Variants in EPM2A observed in about 807,000 individuals in gnomAD.
EPM2A encodes the protein EPM2A glucan phosphatase, laforin, also known as laforin.
Under a neutral mutation model 26.5 loss-of-function variants are expected in EPM2A, and 21 were observed. The ratio of observed to expected loss-of-function variants is 0.79; its 90% CI spans 0.56 to 1.14. EPM2A has a LOEUF of 1.14. Ranked by LOEUF, EPM2A falls within the 50% of genes most tolerant of loss-of-function variation. The pLI, the probability that EPM2A is intolerant of heterozygous loss-of-function variation, is 0.00. For missense variants in EPM2A, 458 were observed against 440.8 expected (o/e 1.04, Z -0.35); for synonymous variants, 217 against 177.6 (o/e 1.22, Z -1.76).
chr6:145,476,973 T>C (rs2114730115), intron 4 of EPM2A, among the ~76,000 whole-genome samples: 1 of 151,024 alleles, frequency 6.6e-6, no homozygotes, highest in East Asian at 2.0e-4. Flanking sequence ...AAAATTGAAA[T>C]GGAAAAAAAT....
chr6:145,448,465 G>C (rs1454143218), intron 4 of EPM2A, among the ~76,000 whole-genome samples: 2 of 152,098 alleles, frequency 1.3e-5, no homozygotes, highest in Non-Finnish European at 2.9e-5. Flanking sequence ...TTAAAGAAGA[G>C]AAAGGAAGGG....
chr6:145,558,006 A>G (rs1780753084), intron 2 of EPM2A, among the ~76,000 whole-genome samples: 1 of 152,102 alleles, frequency 6.6e-6, no homozygotes, highest in African/African-American at 2.4e-5. Context: ...TCCACATATA[A>G]GTGAGATCAT....
intron 2 of EPM2A, among the ~76,000 whole-genome samples, chr6:145,512,404 C>T (rs1434298392): frequency 2.6e-5 from 4 of 151,998 alleles, no homozygotes; most frequent in African/African-American, 7.2e-5. Flanking sequence ...AATAGACACA[C>T]AGATCAATGG....
rs190419362 is a variant in EPM2A at position 145,573,510 on chromosome 6, C to A, written c.340+61735G>T. ...CTTCAAGATCCATCTGTTTTCTGCA[C>A]AGGCCAAATGGGAGAGTTGAACAGG... On this transcript the variant is annotated intron_variant, in intron 2 of 3. Coordinates refer to the EPM2A transcript ENST00000450221. Among the ~76,000 whole-genome samples, 477 of 152,362 alleles carry A rather than the reference C, an allele frequency of 3.1e-3. 1 individual carries two copies. The highest frequency in any genetic ancestry group is 0.011 in the African/African-American group (458 of 41,584).
chr6:145,555,983 C>A (rs186667717), intron 2 of EPM2A, among the ~76,000 whole-genome samples: 260 of 152,246 alleles, frequency 1.7e-3, no homozygotes, highest in African/African-American at 5.9e-3. Flanking sequence ...CACACATTAA[C>A]CTTTTCTTTT....
intron 2 of EPM2A, among the ~76,000 whole-genome samples, chr6:145,546,436 T>C (rs931391549): frequency 6.6e-6 from 1 of 152,174 alleles, no homozygotes; most frequent in Non-Finnish European, 1.5e-5. Flanking sequence ...AGATCTTCCT[T>C]ACTCAATCCA....
chr6:145,473,838 G>A (rs1779506888), intron 4 of EPM2A, among the ~76,000 whole-genome samples: 1 of 151,726 alleles, frequency 6.6e-6, no homozygotes, highest in Non-Finnish European at 1.5e-5. Flanking sequence ...ACATGAAGGA[G>A]AAATAAAGAC....
At chr6:145,583,259 A>C (rs776944565) in intron 2 of EPM2A, among the ~76,000 whole-genome samples, 1 of 152,110 alleles carries the variant, frequency 6.6e-6, no homozygotes, top group African/African-American at 2.4e-5. Context: ...GATTTCTTGC[A>C]TTAGTTCTTT....
At chr6:145,576,581 A>G (rs990807650) in intron 2 of EPM2A, among the ~76,000 whole-genome samples, 4 of 152,234 alleles carry the variant, frequency 2.6e-5, no homozygotes, top group Non-Finnish European at 4.4e-5. Flanking sequence ...GGAGAAATAA[A>G]GACTTTCCCA....
At chr6:145,699,759 C>A (rs1023369867) in intron 1 of EPM2A, among the ~76,000 whole-genome samples, 6 of 152,084 alleles carry the variant, frequency 3.9e-5, no homozygotes, top group Non-Finnish European at 7.4e-5. Flanking sequence ...AAGTGAAGAA[C>A]AGAATTACAC....
chr6:145,574,865 TC>T (rs1781008853), intron 2 of EPM2A, among the ~76,000 whole-genome samples: 1 of 152,214 alleles, frequency 6.6e-6, no homozygotes. Flanking sequence ...CTATGTTCCT[TC>T]CACCATTATT....
rs541048458 is a variant in EPM2A at position 145,638,209 on chromosome 6, T to C, written c.477-2723A>G. Reference sequence around the variant, plus strand: ...AGTTAGTATTTCGCTAGTCGGTAAATGCCAAAATAAAATGGCTGGCTGATT... The same window carrying C: ...AGTTAGTATTTCGCTAGTCGGTAAACGCCAAAATAAAATGGCTGGCTGATT... On this transcript the variant is annotated intron_variant, in intron 2 of 3. Coordinates refer to ENST00000367519, the MANE Select transcript of EPM2A (RefSeq NM_005670.4). The C allele has an allele frequency of 2.0e-5, 3 of 152,254 alleles. No individual in the cohort carries two copies. The South Asian group carries it at 6.2e-4, about 32-fold the overall frequency. 9.4% of individuals were successfully genotyped at this position (152,254 alleles called of 1,614,324 possible). A position where few individuals can be genotyped will look rare whatever the true frequency, so the allele number is the denominator to read the frequency against.
At chr6:145,613,399 A>C (rs904074859) in intron 2 of EPM2A, among the ~76,000 whole-genome samples, 2 of 152,160 alleles carry the variant, frequency 1.3e-5, no homozygotes, top group African/African-American at 2.4e-5. Context: ...AACTTCTACC[A>C]AACTCCTTTT....
rs151086857 is a variant in EPM2A, at chr6:145,530,467, T to A, written c.341-27892A>T. Among the ~76,000 whole-genome samples the A allele has an allele frequency of 1.3e-3, 192 of 147,956 alleles. 1 individual carries two copies. The highest frequency in any genetic ancestry group is 4.5e-3 in the African/African-American group (178 of 39,450). Reference sequence around the variant, plus strand: ...ATAGCAGAAGCCATTGATACAGAAATGTAGCAAGGGAAAGCTTGTTGTTAA... The same window carrying A: ...ATAGCAGAAGCCATTGATACAGAAAAGTAGCAAGGGAAAGCTTGTTGTTAA... On this transcript the variant is annotated intron_variant, in intron 2 of 3. Transcript: ENST00000450221.
At chr6:145,447,922 A>G (rs145652836) in intron 4 of EPM2A, among the ~76,000 whole-genome samples, 4 of 152,218 alleles carry the variant, frequency 2.6e-5, no homozygotes, top group African/African-American at 4.8e-5. Context: ...GAATTCATAT[A>G]TTGTTTTTAA....
At chr6:145,518,680 A>C (rs1260382189) in intron 2 of EPM2A, among the ~76,000 whole-genome samples, 1 of 151,948 alleles carries the variant, frequency 6.6e-6, no homozygotes, top group Non-Finnish European at 1.5e-5. Context: ...GGAATTAGCC[A>C]ACAGTTAGCT....
rs1780758410 is a variant in EPM2A at position 145,558,330 on chromosome 6, ATG to A, written c.341-55757_341-55756del. Among the ~76,000 whole-genome samples the A allele has an allele frequency of 2.6e-5, 4 of 152,160 alleles. No homozygotes were observed. The South Asian group carries it at 8.3e-4, about 32-fold the overall frequency. ...CATTATAAATTACCCAATCTCGGGTATGTGTTTATCAGCAGTGTGAAAACTGA... is the reference window on the plus strand; with the variant it reads ...CATTATAAATTACCCAATCTCGGGTATGTTTATCAGCAGTGTGAAAACTGA... On this transcript the variant is annotated intron_variant, in intron 2 of 3. Transcript: ENST00000450221.
downstream of EPM2A, among the ~76,000 whole-genome samples, chr6:145,620,861 T>C (rs1775618570): frequency 1.3e-5 from 2 of 152,206 alleles, no homozygotes; most frequent in African/African-American, 4.8e-5. Context: ...TTATTTAGGG[T>C]GTACAATTAT....
chr6:145,604,164 A>C (rs1420890623), intron 2 of EPM2A, among the ~76,000 whole-genome samples: 1 of 152,142 alleles, frequency 6.6e-6, no homozygotes, highest in African/African-American at 2.4e-5. Context: ...TAGCCATTAA[A>C]AAGTTTATGC....
Sources: gnomAD v4.1 joint callset for allele counts (sites outside exome capture counted in the v4.1 genomes callset) on GRCh38, gnomAD v4.1.1 for gene constraint, MANE v1.5 for transcripts, NCBI Gene and HGNC (gene_info 2026-07-23, HGNC 2026-07-21) for gene names.